Variants in KLF12 observed in about 807,000 individuals in gnomAD.
KLF12 encodes KLF transcription factor 12, also known as Krueppel-like factor 12.
A neutral mutation model predicts 37.8 loss-of-function variants in KLF12; 9 were observed. That is an observed-to-expected ratio of 0.24 (90% CI 0.14 to 0.42). The LOEUF (loss-of-function observed/expected upper bound fraction) is 0.42, where lower values mean the gene tolerates loss of function less well. Ranked by LOEUF, KLF12 falls within the 10% of genes least tolerant of loss-of-function variation. KLF12 has a pLI of 1.00. For missense variants in KLF12, 411 were observed against 516.0 expected (o/e 0.80, Z 1.97); for synonymous variants, 208 against 202.1 (o/e 1.03, Z -0.25).
intron 3 of KLF12, among the ~76,000 whole-genome samples, chr13:73,881,574 T>C (rs574804496): frequency 2.0e-5 from 3 of 152,292 alleles, no homozygotes; most frequent in Admixed American, 6.5e-5. Context: ...TCTCAAATAA[T>C]ATTTCTTCTG....
At chr13:73,910,209 T>G (rs998828090) in intron 3 of KLF12, among the ~76,000 whole-genome samples, 5 of 152,162 alleles carry the variant, frequency 3.3e-5, no homozygotes, top group African/African-American at 1.2e-4. Flanking sequence ...CACAATCTAT[T>G]TAATATTATT....
At chr13:74,163,417 C>T in the KLF12 span, among the ~76,000 whole-genome samples, 1 of 152,026 alleles carries the variant, frequency 6.6e-6, no homozygotes. Flanking sequence ...GAATGAAATC[C>T]AATCATTTGC....
chr13:73,962,598 A>G (rs1807017330), intron 2 of KLF12, among the ~76,000 whole-genome samples: 1 of 152,034 alleles, frequency 6.6e-6, no homozygotes, highest in Non-Finnish European at 1.5e-5. Context: ...GGTAGATGGG[A>G]ACTCTCTGTA....
At chr13:73,800,527 CCTT>C (rs1882229924) in intron 5 of KLF12, 1 of 152,160 alleles carries the variant, frequency 6.6e-6, no homozygotes, top group East Asian at 1.9e-4. Flanking sequence ...CTAAAGCTCT[CCTT>C]CTGCTAGGAG....
chr13:74,121,178 G>C (rs1199758119), intron 1 of KLF12, among the ~76,000 whole-genome samples: 1 of 152,038 alleles, frequency 6.6e-6, no homozygotes, highest in African/African-American at 2.4e-5. Context: ...GCACTGAAAA[G>C]AGAATTACAG....
At chr13:73,798,101 T>C (rs1882092814) in intron 5 of KLF12, among the ~76,000 whole-genome samples, 1 of 152,132 alleles carries the variant, frequency 6.6e-6, no homozygotes, top group African/African-American at 2.4e-5. Context: ...AATGTGGGGC[T>C]AAAACAACCA....
chr13:73,770,141 A>T (rs1046618226), intron 5 of KLF12, among the ~76,000 whole-genome samples: 3 of 152,316 alleles, frequency 2.0e-5, no homozygotes, highest in South Asian at 2.1e-4. Flanking sequence ...ATAACTCCAC[A>T]ATTACTAAAT....
At chr13:73,763,714 A>G (rs1430193434) in intron 6 of KLF12, among the ~76,000 whole-genome samples, 2 of 152,186 alleles carry the variant, frequency 1.3e-5, no homozygotes, top group Non-Finnish European at 2.9e-5. Context: ...GTGGCGTGTG[A>G]TAAGTCAAGA....
intron 3 of KLF12, among the ~76,000 whole-genome samples, chr13:73,934,484 G>A (rs1401829999): frequency 6.6e-6 from 1 of 152,058 alleles, no homozygotes; most frequent in Non-Finnish European, 1.5e-5. Context: ...TGACCCATAT[G>A]TTTACCATTA....
chr13:73,902,232 G>A (rs1316660751), intron 3 of KLF12, among the ~76,000 whole-genome samples: 2 of 152,162 alleles, frequency 1.3e-5, no homozygotes, highest in African/African-American at 2.4e-5. Context: ...TTTTAGAAGG[G>A]TAAGAGATTC....
At chr13:73,765,083 A>C in intron 5 of KLF12, 83 bp from the exon 6 acceptor site, 1 of 799,956 alleles carries the variant, frequency 1.3e-6, no homozygotes, top group Non-Finnish European at 2.0e-6. Context: ...TTTTATAAAT[A>C]ATTTCTTTTA....
chr13:74,122,615 A>G (rs1467186394), intron 1 of KLF12, among the ~76,000 whole-genome samples: 2 of 152,122 alleles, frequency 1.3e-5, no homozygotes, highest in East Asian at 3.8e-4. Context: ...TAAAAGCGAC[A>G]AAAACTGGAA....
chr13:73,861,122 T>C (rs773489098), intron 3 of KLF12, among the ~76,000 whole-genome samples: 10 of 152,226 alleles, frequency 6.6e-5, no homozygotes, highest in Admixed American at 1.3e-4. Flanking sequence ...TTAGTCTTCA[T>C]GTCTATCAAG....
chr13:73,785,958 A>G (rs1881315576), intron 5 of KLF12, among the ~76,000 whole-genome samples: 1 of 152,158 alleles, frequency 6.6e-6, no homozygotes, highest in South Asian at 2.1e-4. Flanking sequence ...AGAGCCTAGG[A>G]AGCTAAAACC....
chr13:74,066,487 C>A (rs1480860835), intron 1 of KLF12, among the ~76,000 whole-genome samples: 1 of 151,896 alleles, frequency 6.6e-6, no homozygotes, highest in African/African-American at 2.4e-5. Flanking sequence ...CATAGCGAGA[C>A]CTTGTTTCTA....
At chr13:74,241,896 A>AC in the KLF12 span, among the ~76,000 whole-genome samples, 4 of 152,014 alleles carry the variant, frequency 2.6e-5, no homozygotes, top group Non-Finnish European at 5.9e-5. Context: ...TGCAGAAATC[A>AC]CCGTCTTCTG....
chr13:73,738,372 G>A (rs1167990328), intron 6 of KLF12, among the ~76,000 whole-genome samples: 3 of 150,264 alleles, frequency 2.0e-5, no homozygotes, highest in African/African-American at 4.9e-5. Flanking sequence ...GGCTGGTCTC[G>A]AACTCCTGAC....
chr13:73,962,644 A>T (rs992808381), intron 2 of KLF12, among the ~76,000 whole-genome samples: 13 of 152,214 alleles, frequency 8.5e-5, no homozygotes, highest in African/African-American at 2.7e-4. Context: ...TCAAAATTCT[A>T]AAAATAAAGT....
At chr13:73,870,062 T>C (rs1886391203) in intron 3 of KLF12, among the ~76,000 whole-genome samples, 1 of 152,228 alleles carries the variant, frequency 6.6e-6, no homozygotes, top group Non-Finnish European at 1.5e-5. Flanking sequence ...TTTAAGGCAT[T>C]GTAAGTCAGC....
Sources: gnomAD v4.1 joint callset for allele counts (sites outside exome capture counted in the v4.1 genomes callset) on GRCh38, gnomAD v4.1.1 for gene constraint, MANE v1.5 for transcripts, NCBI Gene and HGNC (gene_info 2026-07-23, HGNC 2026-07-21) for gene names.